SLCO6A1: variants seen among roughly 807,000 people sequenced by gnomAD.
The protein encoded by SLCO6A1 is cancer/testis antigen 48.
Under a neutral mutation model 72.7 loss-of-function variants are expected in SLCO6A1, and 65 were observed. That is an observed-to-expected ratio of 0.89 (90% CI 0.73 to 1.10). The LOEUF is 1.10. Ranked by LOEUF, SLCO6A1 falls within the 50% of genes least tolerant of loss-of-function variation. SLCO6A1 has a pLI of 0.00. For missense variants in SLCO6A1, 874 were observed against 872.6 expected (o/e 1.00, Z -0.02); for synonymous variants, 314 against 298.2 (o/e 1.05, Z -0.55).
intron 6 of SLCO6A1, among the ~76,000 whole-genome samples, chr5:102,451,429 C>T (rs751563273): frequency 1.8e-4 from 28 of 152,282 alleles, no homozygotes; most frequent in Admixed American, 9.2e-4. Flanking sequence ...TGTGAGAGAA[C>T]CTGGCCTCCT....
intron 12 of SLCO6A1, among the ~76,000 whole-genome samples, chr5:102,384,765 A>T (rs1006957554): frequency 2.0e-5 from 3 of 152,070 alleles, no homozygotes; most frequent in Non-Finnish European, 4.4e-5. Context: ...GAGTATTCCA[A>T]ATTTGACTAT....
chr5:102,416,588 T>C (rs1419714622), intron 8 of SLCO6A1, among the ~76,000 whole-genome samples: 1 of 151,680 alleles, frequency 6.6e-6, no homozygotes, highest in Non-Finnish European at 1.5e-5. Context: ...GGTAAGGAGG[T>C]GAGAAGGTGA....
In SLCO6A1 at chr5:102,455,027, T is replaced by TATATATATATATATATATATATACATAA. The variant is rs144619414; in HGVS notation, c.1131+3354_1131+3355insTTATGTATATATATATATATATATATAT. ...ATATAAATATATATATATATATATATAAATTATGTTATAACAAAGATCTAT... is the reference window on the plus strand; with the variant it reads ...ATATAAATATATATATATATATATATATATATATATATATATATATATACATAAAAATTATGTTATAACAAAGATCTAT... On this transcript the variant is annotated intron_variant, in intron 6 of 13. Coordinates refer to ENST00000506729, the MANE Select transcript of SLCO6A1 (RefSeq NM_173488.5). Among the ~76,000 whole-genome samples, 388 of 141,706 alleles carry TATATATATATATATATATATATACATAA rather than the reference T, an allele frequency of 2.7e-3. 5 individuals are homozygous for TATATATATATATATATATATATACATAA. The highest frequency in any genetic ancestry group is 8.5e-3 in the African/African-American group (315 of 36,948). 93.0% of individuals were successfully genotyped at this position (141,706 alleles called of 152,430 possible).
chr5:102,444,786 G>T (rs1346571703), intron 6 of SLCO6A1, among the ~76,000 whole-genome samples: 1 of 152,014 alleles, frequency 6.6e-6, no homozygotes, highest in African/African-American at 2.4e-5. Flanking sequence ...TTCATTTTAG[G>T]TTTGTTACAT....
chr5:102,413,128 TC>T lies in SLCO6A1; in HGVS notation c.1487del (p.Gly496GlufsTer59), dbSNP rs746916044. The T allele has an allele frequency of 4.2e-5, 65 of 1,563,792 alleles. No homozygotes were observed. The East Asian group carries it at 1.5e-3, about 37-fold the overall frequency. On this transcript the variant is annotated frameshift_variant, in exon 9 of 14. Coordinates refer to ENST00000506729, the MANE Select transcript of SLCO6A1 (RefSeq NM_173488.5). LOFTEE classifies it high-confidence loss of function. Reference sequence around the variant, plus strand: ...TTTCATTGCAAGGAGCCGTGAGGTTTCCCAACTTCCCTGTTCTGTAAAAACA... The same window carrying T: ...TTTCATTGCAAGGAGCCGTGAGGTTTCCAACTTCCCTGTTCTGTAAAAACA... Reference protein sequence around the residue: ...NEDYDGTGKLGNLTAPCNEKC... With the variant: ...NEDYDGTGKLXNLTAPCNEKC...
chr5:102,408,750 T>G (rs966240843), intron 9 of SLCO6A1, among the ~76,000 whole-genome samples: 1 of 152,064 alleles, frequency 6.6e-6, no homozygotes, highest in Non-Finnish European at 1.5e-5. Flanking sequence ...AAAGTCAATA[T>G]TGATTGTACA....
At chr5:102,454,260 G>A (rs1183533369) in intron 6 of SLCO6A1, among the ~76,000 whole-genome samples, 1 of 152,152 alleles carries the variant, frequency 6.6e-6, no homozygotes, top group African/African-American at 2.4e-5. Context: ...ACCAAGACAT[G>A]GAGGGTAGGG....
At chr5:102,391,872 G>C (rs556593096) in intron 10 of SLCO6A1, among the ~76,000 whole-genome samples, 1 of 151,612 alleles carries the variant, frequency 6.6e-6, no homozygotes, top group East Asian at 1.9e-4. Context: ...ATGAAGATCT[G>C]TTTTTCCTAC....
chr5:102,373,219 A>T, intron 13 of SLCO6A1, 118 bp downstream of exon 13: 1 of 610,014 alleles, frequency 1.6e-6, no homozygotes, highest in Non-Finnish European at 2.3e-6. Flanking sequence ...CTCAAAATAT[A>T]ATAAAATATA....
intron 6 of SLCO6A1, among the ~76,000 whole-genome samples, chr5:102,457,041 C>G (rs1750760910): frequency 6.6e-6 from 1 of 152,158 alleles, no homozygotes; most frequent in East Asian, 1.9e-4. Flanking sequence ...GGAAAACTGG[C>G]TAGCCATGTG....
intron 6 of SLCO6A1, among the ~76,000 whole-genome samples, chr5:102,450,311 G>T (rs1750346869): frequency 2.0e-5 from 3 of 152,150 alleles, no homozygotes; most frequent in Non-Finnish European, 4.4e-5. Context: ...TTCATTTCTG[G>T]ATGTTTTCAG....
chr5:102,383,486 A>C (rs10041725), intron 12 of SLCO6A1, among the ~76,000 whole-genome samples: 97,944 of 151,388 alleles, frequency 0.65, 31,886 homozygotes, highest in African/African-American at 0.67. Flanking sequence ...TTTATTATGG[A>C]ATATCACATT....
intron 8 of SLCO6A1, among the ~76,000 whole-genome samples, chr5:102,417,993 C>A (rs201955357): frequency 3.4e-5 from 5 of 147,730 alleles, no homozygotes; most frequent in Admixed American, 1.3e-4. Context: ...GAAACTCCGT[C>A]AAAAAAAAAA....
intron 7 of SLCO6A1, among the ~76,000 whole-genome samples, chr5:102,433,142 T>C (rs1406399767): frequency 1.3e-5 from 2 of 152,220 alleles, no homozygotes; most frequent in Non-Finnish European, 2.9e-5. Flanking sequence ...TTCTTTTCTA[T>C]ACTGGCTACT....
intron 2 of SLCO6A1, among the ~76,000 whole-genome samples, chr5:102,478,954 T>G (rs1279144713): frequency 1.3e-5 from 2 of 152,172 alleles, no homozygotes; most frequent in African/African-American, 4.8e-5. Context: ...ACTTGTGATA[T>G]CAGTGTCAAT....
Position 102,413,051 on chromosome 5 carries a change from A to C in SLCO6A1, c.1565T>G (p.Ile522Ser), listed in dbSNP as rs767859096. Residue 522 changes from isoleucine (I) to serine (S), a missense_variant, in exon 9 of 14, where the codon ATT becomes AGT. Ile to Ser is a moderately radical substitution (Grantham distance 142). Coordinates refer to ENST00000506729, the MANE Select transcript of SLCO6A1 (RefSeq NM_173488.5). ...IYSSICGRDDIEYFSPCFAGC... is the reference protein window; with the variant it reads ...IYSSICGRDDSEYFSPCFAGC... ...TGCAAAGCAGGGAGAAAAATATTCA[A>C]TATCATCTCTTCCACATATAGAAGA... 1.1e-5 allele frequency: 17 copies of C among 1,572,260 alleles called. No individual in the cohort carries two copies. Among genetic ancestry groups the C allele is most frequent in the Admixed American group, 3.8e-5 (2 of 52,934 alleles).
chr5:102,433,211 G>T (rs568927056), intron 7 of SLCO6A1, among the ~76,000 whole-genome samples: 1 of 152,084 alleles, frequency 6.6e-6, no homozygotes, highest in East Asian at 1.9e-4. Flanking sequence ...GAGTTTCAAC[G>T]TTCCCCTGAA....
intron 12 of SLCO6A1, among the ~76,000 whole-genome samples, chr5:102,387,510 A>C (rs1746480197): frequency 6.6e-6 from 1 of 152,102 alleles, no homozygotes; most frequent in Non-Finnish European, 1.5e-5. Flanking sequence ...TTTTTGTTGA[A>C]TTGCCTCTAA....
chr5:102,373,088 G>A (rs2112458198), intron 13 of SLCO6A1, among the ~76,000 whole-genome samples: 1 of 151,812 alleles, frequency 6.6e-6, no homozygotes, highest in Non-Finnish European at 1.5e-5. Flanking sequence ...ATTAACCTAG[G>A]TGTATTTTCC....
Sources: allele counts gnomAD v4.1 joint callset (sites outside exome capture counted in the v4.1 genomes callset), GRCh38; gene constraint gnomAD v4.1.1; transcripts MANE v1.5; gene names NCBI Gene and HGNC (gene_info 2026-07-23, HGNC 2026-07-21).